Variants in IMPA2 observed in about 807,000 individuals in gnomAD.
The protein encoded by IMPA2 is IMP 2.
Under a neutral mutation model 35.1 loss-of-function variants are expected in IMPA2, and 32 were observed. The ratio of observed to expected loss-of-function variants is 0.91; its 90% CI spans 0.69 to 1.23. The LOEUF (loss-of-function observed/expected upper bound fraction) is 1.23. Among genes scored for constraint, IMPA2 ranks in the 50% most tolerant of loss-of-function variants. IMPA2 has a pLI of 0.00. For missense variants in IMPA2, 334 were observed against 387.6 expected (o/e 0.86, Z 1.16); for synonymous variants, 135 against 160.6 (o/e 0.84, Z 1.20).
Position 11,981,647 on chromosome 18 carries a change from TGGA to T in IMPA2, c.-20_-18del. 8.2e-7 allele frequency: 1 copy of T among 1,224,040 alleles called. No individual in the cohort carries two copies. The highest frequency in any genetic ancestry group is 1.0e-6 in the Non-Finnish European group (1 of 983,088). The allele number at this position is 1,224,040 out of a possible 1,614,324, so 75.8% of individuals were successfully genotyped here. A position where few individuals can be genotyped will look rare whatever the true frequency, so the allele number is the denominator to read the frequency against. ...GAGTCCCGCCGAGGGGGGCTGGAGG[TGGA>T]GGGGCCCGGCGAGGCCGCGATGAAG... On this transcript the variant is annotated 5_prime_UTR_variant, in exon 1 of 8. Coordinates refer to ENST00000269159, the MANE Select transcript of IMPA2 (RefSeq NM_014214.3).
At chr18:12,017,842 T>G (rs1907622428) in intron 5 of IMPA2, 1 of 337,016 alleles carries the variant, frequency 3.0e-6, no homozygotes, top group Non-Finnish European at 5.8e-6. Flanking sequence ...GCCTTTTGCC[T>G]CGGCCTCCGA....
Position 11,999,423 on chromosome 18 carries a change from T to C in IMPA2, c.230+236T>C, listed in dbSNP as rs569538028. On this transcript the variant is annotated intron_variant, in intron 2 of 7. Transcript: ENST00000269159. ...ACGTCAATGCATCCTCTTGTGAATA[T>C]TGAAGCAGCTCTTTTTACAACACAT... Among the ~76,000 whole-genome samples, 3 of 152,366 alleles carry C rather than the reference T, an allele frequency of 2.0e-5. No homozygotes were observed. The South Asian group carries it at 6.2e-4, about 32-fold the overall frequency.
chr18:12,019,479 G>T (rs1325739241), intron 5 of IMPA2, among the ~76,000 whole-genome samples: 2 of 150,366 alleles, frequency 1.3e-5, no homozygotes, highest in Non-Finnish European at 3.0e-5. Flanking sequence ...TGTTGGCCAG[G>T]CTGGTCTCAA....
chr18:12,022,556 T>TATATATATATATATATATA (rs1568038109), intron 5 of IMPA2, among the ~76,000 whole-genome samples: 7 of 143,936 alleles, frequency 4.9e-5, no homozygotes, highest in African/African-American at 1.8e-4. Flanking sequence ...TATATATATA[T>TATATATATATATATATATA]TTGTGTGTGT....
At chr18:11,989,737 C>T (rs922362846) in intron 1 of IMPA2, among the ~76,000 whole-genome samples, 2 of 152,162 alleles carry the variant, frequency 1.3e-5, no homozygotes, top group African/African-American at 4.8e-5. Context: ...TAAGGAGAGG[C>T]TGGTAGATGG....
At position 12,012,218 on chromosome 18, in the gene IMPA2, G is replaced by C; in HGVS notation, c.381+3G>C. ...TTGGATTTGCTGTTCGACAAGAGGT[G>C]CGGGTGTGGCCCAGGTCCCCAGGGC... On this transcript the variant is annotated splice_donor_region_variant and intron_variant, in intron 4 of 7. Transcript: ENST00000269159. 1 of 1,613,990 alleles carries C rather than the reference G, an allele frequency of 6.2e-7. No individual in the cohort carries two copies. Among genetic ancestry groups the C allele is most frequent in the Non-Finnish European group, 8.5e-7 (1 of 1,179,826 alleles).
intron 2 of IMPA2, among the ~76,000 whole-genome samples, chr18:12,007,968 CT>C (rs933903107): frequency 5.3e-5 from 8 of 150,002 alleles, no homozygotes; most frequent in Non-Finnish European, 1.2e-4. Flanking sequence ...ATTTCTTTTT[CT>C]TTTTTTTTCT....
At chr18:12,028,666 C>T in intron 6 of IMPA2, 176 bp from the exon 7 acceptor site, 1 of 709,986 alleles carries the variant, frequency 1.4e-6, no homozygotes, top group Non-Finnish European at 2.3e-6. Flanking sequence ...CTGGCGGAGG[C>T]CTGTTGGTTG....
intron 4 of IMPA2, 119 bp from the exon 5 acceptor site, chr18:12,014,146 C>A: frequency 2.8e-6 from 2 of 722,882 alleles, no homozygotes; most frequent in Non-Finnish European, 4.9e-6. Context: ...TAATTTCTGT[C>A]ACAGTGTAAT....
intron 1 of IMPA2, among the ~76,000 whole-genome samples, chr18:11,987,801 A>G (rs1769978693): frequency 6.6e-6 from 1 of 152,164 alleles, no homozygotes; most frequent in Non-Finnish European, 1.5e-5. Flanking sequence ...TCTGCCAAGT[A>G]GTTCTCTAAA....
chr18:12,008,803 G>A (rs1419313146), intron 2 of IMPA2, among the ~76,000 whole-genome samples: 1 of 152,214 alleles, frequency 6.6e-6, no homozygotes, highest in Non-Finnish European at 1.5e-5. Context: ...AATCTTGAGA[G>A]AACATTGTCT....
chr18:12,029,070 C>CCCCACCAACTGAATTT (rs1907967658), intron 7 of IMPA2, 77 bp downstream of exon 7: 2 of 1,281,930 alleles, frequency 1.6e-6, no homozygotes, highest in Non-Finnish European at 2.1e-6. Flanking sequence ...TTCCTGAAGT[C>CCCCACCAACTGAATTT]CCCACCAACT....
chr18:12,007,616 TTCTTTTTCTTTCTTCTTTCTTTC>T (rs1907293882), intron 2 of IMPA2, among the ~76,000 whole-genome samples: 1 of 132,794 alleles, frequency 7.5e-6, no homozygotes, highest in South Asian at 2.4e-4. Context: ...CTTTCTTTCT[TTCTTTTTCTTTCTTCTTTCTTTC>T]TTTCTTTCTT....
At chr18:12,028,531 C>A in intron 6 of IMPA2, 1 of 450,254 alleles carries the variant, frequency 2.2e-6, no homozygotes. Context: ...TGAGCCCTAG[C>A]CATGTGAGAC....
At chr18:12,026,884 A>G (rs1216686927) in intron 5 of IMPA2, among the ~76,000 whole-genome samples, 1 of 152,188 alleles carries the variant, frequency 6.6e-6, no homozygotes, top group Admixed American at 6.5e-5. Flanking sequence ...GCGGTGAATG[A>G]TCTGGACCTC....
chr18:11,995,247 C>A (rs1906927736), intron 1 of IMPA2, among the ~76,000 whole-genome samples: 1 of 152,232 alleles, frequency 6.6e-6, no homozygotes, highest in Non-Finnish European at 1.5e-5. Flanking sequence ...GTGTTTCTTC[C>A]TGCATGGGCA....
rs1907445901 is a variant in IMPA2, at chr18:12,012,019, T to G, written c.336-151T>G. ...TTATTCTGTTTGTCTTGGAAGCAGTTAGTGAAACTGTGGGAAGTAGTTTTT... is the reference window on the plus strand; with the variant it reads ...TTATTCTGTTTGTCTTGGAAGCAGTGAGTGAAACTGTGGGAAGTAGTTTTT... On this transcript the variant is annotated intron_variant, in intron 3 of 7. Transcript: ENST00000269159. 4 of 658,992 alleles carry G rather than the reference T, an allele frequency of 6.1e-6. No individual in the cohort carries two copies. The East Asian group carries it at 1.0e-4, about 17-fold the overall frequency. The allele number at this position is 658,992 out of a possible 1,614,324, so 40.8% of individuals were successfully genotyped here.
intron 1 of IMPA2, among the ~76,000 whole-genome samples, chr18:11,990,408 A>G (rs887241194): frequency 6.6e-6 from 1 of 151,822 alleles, no homozygotes; most frequent in East Asian, 1.9e-4. Flanking sequence ...TGGGGAGGGG[A>G]GAGAGAAGAG....
rs553709319 is a variant in IMPA2 at position 11,998,102 on chromosome 18, G to T, written c.97-952G>T. On this transcript the variant is annotated intron_variant, in intron 1 of 7. Transcript: ENST00000269159. ...GGATCACTTGAGCCCTGGGGTTAGA[G>T]GTTACTGTGAGCTGTGATTGTGACA... Among the ~76,000 whole-genome samples, 17 of 152,338 alleles carry T rather than the reference G, an allele frequency of 1.1e-4. 1 individual carries two copies. Among genetic ancestry groups the T allele is most frequent in the Middle Eastern group, 3.4e-3 (1 of 294 alleles).
Sources: gnomAD v4.1 joint callset for allele counts (sites outside exome capture counted in the v4.1 genomes callset) on GRCh38, gnomAD v4.1.1 for gene constraint, MANE v1.5 for transcripts, NCBI Gene and HGNC (gene_info 2026-07-23, HGNC 2026-07-21) for gene names.